The following CPXM2 variants were observed in gnomAD, a reference collection of about 807,000 sequenced individuals.
The protein encoded by CPXM2 is carboxypeptidase X, M14 family member 2, also known as inactive carboxypeptidase-like protein X2.
CPXM2 carries 66 observed loss-of-function variants against 86.1 expected under a neutral mutation model. The ratio of observed to expected loss-of-function variants is 0.77; its 90% CI spans 0.63 to 0.94. The LOEUF is 0.94. Among genes scored for constraint, CPXM2 ranks in the 40% least tolerant of loss-of-function variants. CPXM2 has a pLI of 0.00. For synonymous variants in CPXM2, 388 were observed against 400.2 expected (o/e 0.97, Z 0.36); for missense variants, 948 against 1,026.3 (o/e 0.92, Z 1.04).
chr10:123,778,126 A>T (rs1564764449), intron 7 of CPXM2, among the ~76,000 whole-genome samples: 1 of 152,198 alleles, frequency 6.6e-6, no homozygotes, highest in African/African-American at 2.4e-5. Context: ...CTGCAAAAAA[A>T]GTCCCCTCAT....
At chr10:123,818,945 T>G (rs1590034704) in intron 4 of CPXM2, among the ~76,000 whole-genome samples, 1 of 152,164 alleles carries the variant, frequency 6.6e-6, no homozygotes. Context: ...AGTGATCCAC[T>G]AGCAAAATTT....
At chr10:123,900,819 A>G (rs1377681190) in intron 2 of CPXM2, among the ~76,000 whole-genome samples, 2 of 152,278 alleles carry the variant, frequency 1.3e-5, no homozygotes, top group East Asian at 3.8e-4. Context: ...CTCAGGACAC[A>G]AGTCACTGAA....
At chr10:123,880,145 T>TGGGGGGCCC in intron 2 of CPXM2, 66 bp downstream of exon 2, 5 of 407,576 alleles carry the variant, frequency 1.2e-5, no homozygotes, top group East Asian at 4.9e-5. Context: ...CAGGGGCCTG[T>TGGGGGGCCC]ACCCACCCAC....
At chr10:123,883,886 A>G (rs1945136794) in intron 1 of CPXM2, among the ~76,000 whole-genome samples, 1 of 152,168 alleles carries the variant, frequency 6.6e-6, no homozygotes, top group African/African-American at 2.4e-5. Flanking sequence ...CAAAATGGAA[A>G]CAGTGTGCAG....
chr10:123,782,275 C>T (rs1846952265), intron 6 of CPXM2, among the ~76,000 whole-genome samples: 1 of 152,208 alleles, frequency 6.6e-6, no homozygotes, highest in African/African-American at 2.4e-5. Context: ...AACTTACTCG[C>T]AGGCTATTTT....
intron 5 of CPXM2, 113 bp from the exon 6 acceptor site, chr10:123,798,239 C>G (rs539285006): frequency 5.4e-6 from 4 of 736,782 alleles, no homozygotes; most frequent in Non-Finnish European, 7.8e-6. Flanking sequence ...CTAATGTGTG[C>G]TGTGCATTGA....
intron 9 of CPXM2, among the ~76,000 whole-genome samples, chr10:123,768,000 G>A (rs1429548693): frequency 6.6e-6 from 1 of 152,206 alleles, no homozygotes; most frequent in Non-Finnish European, 1.5e-5. Flanking sequence ...TGGTCGGCAT[G>A]TCCACCTCTC....
At chr10:123,847,795 C>T (rs990496564) in intron 3 of CPXM2, among the ~76,000 whole-genome samples, 1 of 152,252 alleles carries the variant, frequency 6.6e-6, no homozygotes, top group African/African-American at 2.4e-5. Flanking sequence ...GCATTGACTA[C>T]GTGCTAGGTA....
intron 13 of CPXM2, chr10:123,752,080 T>C: frequency 1.0e-6 from 1 of 985,376 alleles, no homozygotes; most frequent in Non-Finnish European, 1.2e-6. Context: ...TAGGCTCTTT[T>C]AGAATTGTCA....
intron 5 of CPXM2, among the ~76,000 whole-genome samples, chr10:123,798,573 C>G (rs989326221): frequency 3.3e-5 from 5 of 152,148 alleles, no homozygotes; most frequent in African/African-American, 1.2e-4. Context: ...GCAGCTGTTT[C>G]ACTTGTACAA....
intron 1 of CPXM2, chr10:123,887,113 C>A (rs561367412): frequency 6.6e-6 from 1 of 152,340 alleles, no homozygotes; most frequent in South Asian, 2.1e-4. Context: ...AGAACGTTGT[C>A]AAGTTCATAT....
At chr10:123,912,147 C>T (rs908376048) in intron 2 of CPXM2, among the ~76,000 whole-genome samples, 2 of 151,994 alleles carry the variant, frequency 1.3e-5, no homozygotes, top group African/African-American at 4.8e-5. Flanking sequence ...TAGGAAGCTG[C>T]GGATCGGTTT....
intron 2 of CPXM2, among the ~76,000 whole-genome samples, chr10:123,933,730 C>T (rs900504263): frequency 1.6e-4 from 24 of 150,552 alleles, no homozygotes; most frequent in African/African-American, 4.7e-4. Context: ...AAAACAACAA[C>T]AAAAACAAAA....
chr10:123,787,891 G>C (rs934977709), intron 6 of CPXM2, among the ~76,000 whole-genome samples: 1 of 152,092 alleles, frequency 6.6e-6, no homozygotes, highest in Non-Finnish European at 1.5e-5. Flanking sequence ...CTCCGGGTTT[G>C]TAGCCCCCAT....
intron 4 of CPXM2, among the ~76,000 whole-genome samples, chr10:123,829,950 A>AG (rs1848130104): frequency 8.3e-6 from 1 of 120,262 alleles, no homozygotes; most frequent in African/African-American, 4.4e-5. Flanking sequence ...AAGCCATTTG[A>AG]GAAAAAAAAA....
chr10:123,850,560 G>A (rs555216899), intron 3 of CPXM2, among the ~76,000 whole-genome samples: 12 of 152,188 alleles, frequency 7.9e-5, no homozygotes, highest in Middle Eastern at 3.2e-3. Context: ...TAGTCACTTA[G>A]CAGCCATCTT....
At chr10:123,809,038 C>T (rs944495666) in intron 4 of CPXM2, among the ~76,000 whole-genome samples, 3 of 152,194 alleles carry the variant, frequency 2.0e-5, no homozygotes, top group Non-Finnish European at 2.9e-5. Context: ...TGAAATAGCA[C>T]GGCATCCTAC....
intron 3 of CPXM2, among the ~76,000 whole-genome samples, chr10:123,847,270 A>C (rs571850752): frequency 6.6e-6 from 1 of 152,314 alleles, no homozygotes; most frequent in Non-Finnish European, 1.5e-5. Flanking sequence ...CACGCCTGTA[A>C]TCCCAGCACT....
chr10:123,782,105 A>C (rs2134031796), intron 6 of CPXM2, among the ~76,000 whole-genome samples: 1 of 152,390 alleles, frequency 6.6e-6, no homozygotes, highest in African/African-American at 2.4e-5. Flanking sequence ...AAGAAAGCAA[A>C]GTCATTCCGG....
Sources: allele counts gnomAD v4.1 joint callset (sites outside exome capture counted in the v4.1 genomes callset), GRCh38; gene constraint gnomAD v4.1.1; transcripts MANE v1.5; gene names NCBI Gene and HGNC (gene_info 2026-07-23, HGNC 2026-07-21).